The following TRPC4 variants were observed in gnomAD, a reference collection of about 807,000 sequenced individuals.
TRPC4 encodes transient receptor potential cation channel subfamily C member 4.
In TRPC4, 49 loss-of-function variants were observed where a neutral mutation model predicts 99.4. The ratio of observed to expected loss-of-function variants is 0.49; its 90% CI spans 0.39 to 0.63. The LOEUF (loss-of-function observed/expected upper bound fraction) is 0.63, where lower values mean the gene tolerates loss of function less well. TRPC4 is among the 20% of genes least tolerant of loss of function. TRPC4 has a pLI of 0.00. For missense variants in TRPC4, 898 were observed against 1,152.9 expected, an observed-to-expected ratio of 0.78 and a Z score of 3.20; for synonymous variants, 454 against 425.9, an observed-to-expected ratio of 1.07 and a Z score of -0.81.
At position 37,817,580 on chromosome 13, in the gene TRPC4, A is replaced by AAAAC. The variant is rs540880013; in HGVS notation, c.-27-34224_-27-34221dup. On this transcript the variant is annotated intron_variant, in intron 1 of 10. Transcript: ENST00000379705. ...ATGAATAACCAAGGCAATACTAAGG[A>AAAAC]AAACAAACAAACAAACAAACAAAGC... is the stretch of plus-strand genomic sequence containing the variant. Among the ~76,000 whole-genome samples, 40 of 151,448 alleles carry AAAAC rather than the reference A, an allele frequency of 2.6e-4. No individual in the cohort carries two copies. In the East Asian group the frequency reaches 3.7e-3, roughly 14 times the overall value.
At chr13:37,760,985 T>C (rs769573732) in intron 2 of TRPC4, among the ~76,000 whole-genome samples, 5 of 151,954 alleles carry the variant, frequency 3.3e-5, no homozygotes, top group Admixed American at 6.6e-5. Flanking sequence ...CAAAGACTTA[T>C]AGAGTTGACT....
chr13:37,639,157 A>G (rs1027759381), intron 9 of TRPC4, 28 bp from the exon 10 acceptor site: 33 of 1,613,130 alleles, frequency 2.0e-5, no homozygotes, highest in Non-Finnish European at 2.8e-5. Flanking sequence ...AAGAGTATTG[A>G]TACTCAATGA....
At chr13:37,862,289 T>C (rs1169300855) in intron 1 of TRPC4, among the ~76,000 whole-genome samples, 1 of 151,636 alleles carries the variant, frequency 6.6e-6, no homozygotes, top group East Asian at 1.9e-4. Flanking sequence ...AACATGTGAC[T>C]GTAACACCAA....
At chr13:37,837,382 G>A (rs1285374406) in intron 1 of TRPC4, among the ~76,000 whole-genome samples, 1 of 152,250 alleles carries the variant, frequency 6.6e-6, no homozygotes, top group African/African-American at 2.4e-5. Context: ...GCCAGCCCAT[G>A]AAAGCAGCCA....
chr13:37,796,310 T>G (rs1315358438), intron 1 of TRPC4, among the ~76,000 whole-genome samples: 1 of 152,180 alleles, frequency 6.6e-6, no homozygotes, highest in Non-Finnish European at 1.5e-5. Flanking sequence ...AGGAAAACCT[T>G]CTTGGGTAAG....
intron 1 of TRPC4, among the ~76,000 whole-genome samples, chr13:37,846,647 GA>G (rs35137055): frequency 2.0e-5 from 3 of 149,528 alleles, no homozygotes; most frequent in African/African-American, 7.4e-5. Flanking sequence ...AAGAGAGGAA[GA>G]AAAAAAAACA....
chr13:37,632,157 A>T lies in TRPC4; in HGVS notation c.*4746T>A, dbSNP rs928051844. Among the ~76,000 whole-genome samples, 1 of 152,330 alleles carries T rather than the reference A, an allele frequency of 6.6e-6. No homozygotes were observed. Among genetic ancestry groups the T allele is most frequent in the African/African-American group, 2.4e-5 (1 of 41,586 alleles). On this transcript the variant is annotated 3_prime_UTR_variant, in exon 11 of 11. Transcript: ENST00000379705. ...TACCTTTGCAATTCAGATGATGGAG[A>T]TACATGAGCTGACTGAAACAAATAC...
At chr13:37,696,002 C>T (rs370734312) in intron 3 of TRPC4, among the ~76,000 whole-genome samples, 2 of 152,170 alleles carry the variant, frequency 1.3e-5, no homozygotes, top group East Asian at 1.9e-4. Flanking sequence ...GTTTTTATAC[C>T]GCTGATAAAG....
At chr13:37,702,551 A>G (rs970187536) in intron 3 of TRPC4, among the ~76,000 whole-genome samples, 1 of 152,218 alleles carries the variant, frequency 6.6e-6, no homozygotes, top group Non-Finnish European at 1.5e-5. Context: ...GAAAAATTGA[A>G]GAAATATCAC....
chr13:37,649,117 C>T (rs1039521814), intron 8 of TRPC4, among the ~76,000 whole-genome samples: 3 of 151,666 alleles, frequency 2.0e-5, no homozygotes, highest in Admixed American at 1.3e-4. Context: ...ATTAAAAATG[C>T]TTATAAATTT....
intron 8 of TRPC4, among the ~76,000 whole-genome samples, chr13:37,641,693 T>G (rs181509726): frequency 6.6e-6 from 1 of 152,246 alleles, no homozygotes; most frequent in African/African-American, 2.4e-5. Context: ...TGGTGTGATA[T>G]TAAGAATATG....
intron 6 of TRPC4, among the ~76,000 whole-genome samples, chr13:37,660,689 T>C (rs1020009107): frequency 1.1e-4 from 17 of 152,218 alleles, no homozygotes; most frequent in Non-Finnish European, 2.2e-4. Flanking sequence ...GATGACATTC[T>C]ATGACATGAA....
At chr13:37,788,496 T>G (rs2139374975) in intron 1 of TRPC4, among the ~76,000 whole-genome samples, 1 of 152,224 alleles carries the variant, frequency 6.6e-6, no homozygotes, top group African/African-American at 2.4e-5. Context: ...TTTCAAGTCT[T>G]ACGAGTTTTC....
At chr13:37,765,305 T>G (rs189664192) in intron 2 of TRPC4, among the ~76,000 whole-genome samples, 177 of 151,548 alleles carry the variant, frequency 1.2e-3, no homozygotes, top group African/African-American at 4.0e-3. Flanking sequence ...CTTAAAAGCA[T>G]GTCCACAGGG....
At chr13:37,689,993 A>T (rs1953628558) in intron 4 of TRPC4, among the ~76,000 whole-genome samples, 1 of 152,028 alleles carries the variant, frequency 6.6e-6, no homozygotes, top group African/African-American at 2.4e-5. Flanking sequence ...GATTAGGACT[A>T]CTCTATCTGC....
intron 1 of TRPC4, among the ~76,000 whole-genome samples, chr13:37,786,289 GACACACAC>G (rs10549960): frequency 0.013 from 1,786 of 141,038 alleles, 30 homozygotes; most frequent in African/African-American, 0.041. Context: ...CAGGGAGAAA[GACACACAC>G]ACACACACAC....
At chr13:37,801,978 T>C (rs1486104481) in intron 1 of TRPC4, among the ~76,000 whole-genome samples, 1 of 152,098 alleles carries the variant, frequency 6.6e-6, no homozygotes, top group African/African-American at 2.4e-5. Flanking sequence ...GACTTACATA[T>C]AAATCAATGA....
chr13:37,685,870 G>A (rs1335646927), intron 4 of TRPC4, among the ~76,000 whole-genome samples: 1 of 152,034 alleles, frequency 6.6e-6, no homozygotes, highest in Admixed American at 6.5e-5. Flanking sequence ...CATTGTTTGA[G>A]ATATTACTGC....
At chr13:37,660,648 C>T (rs796340601) in intron 6 of TRPC4, among the ~76,000 whole-genome samples, 1 of 152,178 alleles carries the variant, frequency 6.6e-6, no homozygotes, top group African/African-American at 2.4e-5. Context: ...CATTGCCAAT[C>T]ATGAAGATAA....
Sources: allele counts gnomAD v4.1 joint callset (sites outside exome capture counted in the v4.1 genomes callset), GRCh38; gene constraint gnomAD v4.1.1; transcripts MANE v1.5; gene names NCBI Gene and HGNC (gene_info 2026-07-23, HGNC 2026-07-21).